Variants in GRIN2A observed in about 807,000 individuals in gnomAD.
GRIN2A encodes glutamate receptor ionotropic, NMDA 2A.
In GRIN2A, 22 loss-of-function variants were observed where a neutral mutation model predicts 113.4. That is an observed-to-expected ratio of 0.19 (90% CI 0.14 to 0.28). The LOEUF (loss-of-function observed/expected upper bound fraction) is 0.28. GRIN2A is among the 10% of genes least tolerant of loss of function. The pLI is 1.00. For synonymous variants in GRIN2A, 827 were observed against 738.4 expected (o/e 1.12, Z -1.94); for missense variants, 1,502 against 1,887.0 (o/e 0.80, Z 3.78).
intron 2 of GRIN2A, among the ~76,000 whole-genome samples, chr16:10,047,754 G>A (rs1403971872): frequency 6.6e-6 from 1 of 152,244 alleles, no homozygotes; most frequent in African/African-American, 2.4e-5. Flanking sequence ...TTTCTGCCCT[G>A]GAATAGCCTT....
At chr16:10,095,010 G>A (rs1398839267) in intron 2 of GRIN2A, among the ~76,000 whole-genome samples, 1 of 151,980 alleles carries the variant, frequency 6.6e-6, no homozygotes, top group Non-Finnish European at 1.5e-5. Flanking sequence ...AGGTAACTAA[G>A]GTTAAATGAG....
rs539914129 is a variant in GRIN2A at position 10,120,001 on chromosome 16, G to C, written c.414+59997C>G. On this transcript the variant is annotated intron_variant, in intron 2 of 12. Coordinates refer to ENST00000330684, the MANE Select transcript of GRIN2A (RefSeq NM_001134407.3). ...TCTACCATTGATGGGCGTTTAGGTG[G>C]ATTCCATGTATTTGCTATTGTGAAT... Among the ~76,000 whole-genome samples, 9 of 152,256 alleles carry C rather than the reference G, an allele frequency of 5.9e-5. No homozygotes were observed. In the South Asian group the frequency reaches 1.9e-3, roughly 32 times the overall value.
At chr16:10,152,888 A>C (rs1275099103) in intron 2 of GRIN2A, among the ~76,000 whole-genome samples, 1 of 152,216 alleles carries the variant, frequency 6.6e-6, no homozygotes, top group East Asian at 1.9e-4. Context: ...GGAAAAGGCA[A>C]AACTATGGAG....
intron 7 of GRIN2A, among the ~76,000 whole-genome samples, chr16:9,838,522 C>G (rs957369757): frequency 6.6e-6 from 1 of 152,120 alleles, no homozygotes; most frequent in Non-Finnish European, 1.5e-5. Context: ...TGGAGGCCAT[C>G]ATTCTAAATA....
intron 7 of GRIN2A, among the ~76,000 whole-genome samples, chr16:9,835,375 A>G (rs1428116981): frequency 6.6e-6 from 1 of 152,192 alleles, no homozygotes; most frequent in Admixed American, 6.5e-5. Flanking sequence ...AGGCCAAGTC[A>G]TAAGGCTCTA....
intron 7 of GRIN2A, among the ~76,000 whole-genome samples, chr16:9,839,843 G>A (rs977914061): frequency 2.0e-5 from 3 of 152,164 alleles, no homozygotes; most frequent in Non-Finnish European, 4.4e-5. Flanking sequence ...TGGGGATGGA[G>A]GGGAGTGAAT....
chr16:9,963,854 T>C (rs1312744176), intron 2 of GRIN2A, among the ~76,000 whole-genome samples: 3 of 152,202 alleles, frequency 2.0e-5, no homozygotes, highest in Non-Finnish European at 4.4e-5. Context: ...ACTCCCTGCC[T>C]CATGGGGCTT....
chr16:9,979,785 CTATATATATATA>C lies in GRIN2A; in HGVS notation c.415-41246_415-41235del, dbSNP rs71157796. Among the ~76,000 whole-genome samples the C allele has an allele frequency of 3.3e-5, 4 of 122,344 alleles. 1 individual carries two copies. The highest frequency in any genetic ancestry group is 1.7e-4 in the Admixed American group (2 of 11,898). The allele number at this position is 122,344 out of a possible 152,430, so 80.3% of individuals were successfully genotyped here. A position where few individuals can be genotyped will look rare whatever the true frequency, so the allele number is the denominator to read the frequency against. Reference sequence around the variant, plus strand: ...TATATACATATAAGGGACTATGGGACTATATATATATATATATATATATATATGTATATGTAT... The same window carrying C: ...TATATACATATAAGGGACTATGGGACTATATATATATATATGTATATGTAT... On this transcript the variant is annotated intron_variant, in intron 2 of 12. Coordinates refer to ENST00000330684, the MANE Select transcript of GRIN2A (RefSeq NM_001134407.3).
chr16:9,768,861 G>C lies in GRIN2A; in HGVS notation c.2585C>G (p.Ser862Cys), dbSNP rs2141149494. Residue 862 changes from serine to cysteine, a missense_variant, in exon 12 of 13, where the codon TCC becomes TGC. Coordinates refer to ENST00000330684, the MANE Select transcript of GRIN2A (RefSeq NM_001134407.3). ...VCSDRPGLLF[S>C]ISRGIYSCIH... ...ACCCGGTGTACTGACCCTGCTGATG[G>C]AGAAGAGCAACCCAGGCCGGTCGGA... 1 of 1,613,212 alleles carries C rather than the reference G, an allele frequency of 6.2e-7. No homozygotes were observed. Among genetic ancestry groups the C allele is most frequent in the Non-Finnish European group, 8.5e-7 (1 of 1,179,200 alleles).
In GRIN2A at chr16:9,770,637, G is replaced by A. The variant is rs556497755; in HGVS notation, c.2357-1548C>T. On this transcript the variant is annotated intron_variant, in intron 11 of 12. Transcript: ENST00000330684. ...CACTTTGTCTTTGGTGTGAAGTCTA[G>A]ATGTGGGTTTGTTTTATTGGTTCGG... 5.3e-5 allele frequency among the ~76,000 whole-genome samples: 8 copies of A among 152,234 alleles called. 1 individual carries two copies. Among genetic ancestry groups the A allele is most frequent in the Admixed American group, 3.3e-4 (5 of 15,292 alleles).
rs1157760815 is a variant in GRIN2A, at chr16:9,986,115, C to T, written c.415-47564G>A. Among the ~76,000 whole-genome samples the T allele has an allele frequency of 2.6e-5, 4 of 151,996 alleles. No individual in the cohort carries two copies. The East Asian group carries it at 7.7e-4, about 29-fold the overall frequency. On this transcript the variant is annotated intron_variant, in intron 2 of 12. Transcript: ENST00000330684. ...TTTAAAGGAAAAGACAATTACCCAA[C>T]CTCCTTTGGAAACAGAAATCAACAG...
intron 3 of GRIN2A, among the ~76,000 whole-genome samples, chr16:9,903,233 G>C (rs376890137): frequency 2.6e-5 from 4 of 152,172 alleles, no homozygotes; most frequent in Middle Eastern, 3.4e-3. Flanking sequence ...CTCCCAAAGT[G>C]CTGGGATTAC....
chr16:10,046,950 G>A (rs964549987), intron 2 of GRIN2A, among the ~76,000 whole-genome samples: 1 of 152,126 alleles, frequency 6.6e-6, no homozygotes, highest in Non-Finnish European at 1.5e-5. Flanking sequence ...AGTTGGAGCT[G>A]GTTAATTCTG....
intron 4 of GRIN2A, among the ~76,000 whole-genome samples, chr16:9,851,112 C>T (rs1053130411): frequency 6.6e-6 from 1 of 152,118 alleles, no homozygotes; most frequent in African/African-American, 2.4e-5. Flanking sequence ...ATCTCAAACC[C>T]TTAAAGAGAA....
rs576139265 is a variant in GRIN2A at position 10,059,140 on chromosome 16, C to T, written c.415-120589G>A. Among the ~76,000 whole-genome samples the T allele has an allele frequency of 5.1e-4, 77 of 152,218 alleles. 2 individuals are homozygous for T. In the South Asian group the frequency reaches 0.016, roughly 31 times the overall value. Reference sequence around the variant, plus strand: ...CTGGAGTGAACATAGCAATAGGAGACAGAGGAAATGGCGACAAAGATGGAG... The same window carrying T: ...CTGGAGTGAACATAGCAATAGGAGATAGAGGAAATGGCGACAAAGATGGAG... On this transcript the variant is annotated intron_variant, in intron 2 of 12. Transcript: ENST00000330684.
chr16:9,985,481 A>G (rs2045963262), intron 2 of GRIN2A, among the ~76,000 whole-genome samples: 1 of 152,202 alleles, frequency 6.6e-6, no homozygotes, highest in South Asian at 2.1e-4. Context: ...AATGTGGTAC[A>G]TATACACAAT....
At chr16:9,949,296 G>C (rs2045106960) in intron 2 of GRIN2A, among the ~76,000 whole-genome samples, 1 of 152,190 alleles carries the variant, frequency 6.6e-6, no homozygotes, top group Non-Finnish European at 1.5e-5. Context: ...TAAGTAAGCA[G>C]GTGAATGGAT....
At chr16:10,171,678 C>A (rs1335846477) in intron 2 of GRIN2A, 1 of 152,308 alleles carries the variant, frequency 6.6e-6, no homozygotes, top group South Asian at 2.1e-4. Context: ...CTTAATCACT[C>A]TTTCTGGTTA....
chr16:9,777,486 A>G (rs889646165), intron 11 of GRIN2A, among the ~76,000 whole-genome samples: 1 of 152,232 alleles, frequency 6.6e-6, no homozygotes, highest in Admixed American at 6.5e-5. Context: ...TCCTTATTTA[A>G]ATGTCAGAAT....
Sources: gnomAD v4.1 joint callset for allele counts (sites outside exome capture counted in the v4.1 genomes callset) on GRCh38, gnomAD v4.1.1 for gene constraint, MANE v1.5 for transcripts, NCBI Gene and HGNC (gene_info 2026-07-23, HGNC 2026-07-21) for gene names.